The following PLD1 variants were observed in gnomAD, a reference collection of about 807,000 sequenced individuals.
PLD1 encodes phospholipase D1, also known as choline phosphatase 1.
Under a neutral mutation model 137.1 loss-of-function variants are expected in PLD1, and 112 were observed. The observed-to-expected ratio is 0.82, with a 90% CI of 0.70 to 0.96. The LOEUF (loss-of-function observed/expected upper bound fraction) is 0.96. PLD1 is among the 40% of genes least tolerant of loss of function. The pLI, the probability that PLD1 is intolerant of heterozygous loss-of-function variation, is 0.00. For missense variants in PLD1, 1,321 were observed against 1,342.0 expected (o/e 0.98, Z 0.24); for synonymous variants, 431 against 454.7 (o/e 0.95, Z 0.66).
In PLD1 at chr3:171,699,738, T is replaced by A; in HGVS notation, c.1227+7A>T. 6.3e-7 allele frequency: 1 copy of A among 1,599,060 alleles called. No individual in the cohort carries two copies. The highest frequency in any genetic ancestry group is 1.7e-5 in the Admixed American group (1 of 59,878). The stretch of plus-strand genomic sequence containing the variant: ...ATTATATCAGCATTTTCTGGGAAAG[T>A]ACATACTGCTTTTCGTTTAAGAATG... On this transcript the variant is annotated splice_region_variant and intron_variant, in intron 12 of 26. Coordinates refer to ENST00000351298, the MANE Select transcript of PLD1 (RefSeq NM_002662.5).
intron 23 of PLD1, among the ~76,000 whole-genome samples, chr3:171,632,251 C>A (rs1734730592): frequency 6.6e-6 from 1 of 152,124 alleles, no homozygotes; most frequent in Non-Finnish European, 1.5e-5. Flanking sequence ...ACATCAAGAT[C>A]ATGAAAGCTC....
chr3:171,619,646 G>A (rs1447366737), intron 24 of PLD1, among the ~76,000 whole-genome samples: 1 of 152,142 alleles, frequency 6.6e-6, no homozygotes, highest in Non-Finnish European at 1.5e-5. Context: ...TTCGACTTTT[G>A]TACAACTTCA....
chr3:171,620,778 T>TA (rs139838413), intron 23 of PLD1, among the ~76,000 whole-genome samples: 1,323 of 126,800 alleles, frequency 0.01, 28 homozygotes, highest in African/African-American at 0.041. Context: ...ATTATATATA[T>TA]TTTTTTTTTA....
In PLD1 at chr3:171,612,352, C is replaced by G; in HGVS notation, c.2809G>C (p.Val937Leu). The change falls in exon 25 of 27, where the codon GTT (valine) becomes CTT (leucine). Residue 937 changes from valine (V) to leucine (L), a missense_variant. Val to Leu is a conservative substitution (Grantham distance 32, BLOSUM62 1). Transcript: ENST00000351298. The surrounding 1 kb of genome is among the most constrained non-coding windows in gnomAD (Gnocchi z 4.1). ...TCTTTTCCATCCATTACTGAAGGAA[C>G]AGTCTCTGTATCTTGCACAATGACA... The part of the protein sequence containing the change: ...MAVIVQDTET[V>L]PSVMDGKEYQ... The G allele has an allele frequency of 6.2e-7, 1 of 1,614,064 alleles. No individual in the cohort carries two copies. Among genetic ancestry groups the G allele is most frequent in the East Asian group, 2.2e-5 (1 of 44,878 alleles).
intron 19 of PLD1, among the ~76,000 whole-genome samples, chr3:171,671,892 T>C (rs905437588): frequency 5.9e-5 from 9 of 152,070 alleles, no homozygotes; most frequent in African/African-American, 2.2e-4. Flanking sequence ...ATCATGCTTC[T>C]TGCCCAATCG....
At chr3:171,666,686 G>A (rs1005560588) in intron 19 of PLD1, among the ~76,000 whole-genome samples, 2 of 152,126 alleles carry the variant, frequency 1.3e-5, no homozygotes, top group African/African-American at 4.8e-5. Context: ...ATGTAACTGA[G>A]ATAACCCTCA....
At chr3:171,713,232 G>C (rs571049257) in intron 9 of PLD1, among the ~76,000 whole-genome samples, 1 of 152,234 alleles carries the variant, frequency 6.6e-6, no homozygotes, top group African/African-American at 2.4e-5. Context: ...GGCCGAGGCA[G>C]ACAGATCACT....
At chr3:171,760,191 C>T (rs998296068) in intron 1 of PLD1, among the ~76,000 whole-genome samples, 1 of 152,204 alleles carries the variant, frequency 6.6e-6, no homozygotes, top group Non-Finnish European at 1.5e-5. Context: ...GAGAATGACA[C>T]AGTATACAGG....
At chr3:171,689,037 C>CAAAAAG (rs1218223831) in intron 13 of PLD1, among the ~76,000 whole-genome samples, 161 bp from the exon 14 acceptor site, 1 of 149,260 alleles carries the variant, frequency 6.7e-6, no homozygotes, top group African/African-American at 2.5e-5. Context: ...CAGCATTTAG[C>CAAAAAG]AAAAAGAAAA....
intron 23 of PLD1, among the ~76,000 whole-genome samples, chr3:171,639,508 AAAT>A (rs1470485002): frequency 9.0e-6 from 1 of 111,028 alleles, no homozygotes; most frequent in South Asian, 2.5e-4. Context: ...AATACATAAT[AAAT>A]AATATATATT....
At chr3:171,697,285 C>A (rs540472186) in intron 12 of PLD1, among the ~76,000 whole-genome samples, 1 of 127,402 alleles carries the variant, frequency 7.8e-6, no homozygotes, top group Non-Finnish European at 1.6e-5. Flanking sequence ...TGCTCTGTTG[C>A]CCAGGCTGGA....
At chr3:171,690,762 GGAA>G (rs1715075858) in intron 13 of PLD1, among the ~76,000 whole-genome samples, 1 of 152,128 alleles carries the variant, frequency 6.6e-6, no homozygotes, top group Non-Finnish European at 1.5e-5. Flanking sequence ...AGATGGTCCT[GGAA>G]AATGCCCCAA....
intron 1 of PLD1, chr3:171,792,128 C>T (rs573509782): frequency 1.9e-5 from 3 of 160,452 alleles, no homozygotes; most frequent in South Asian, 1.8e-4. Context: ...CTTTACTACT[C>T]CCAATGCCAC....
intron 9 of PLD1, among the ~76,000 whole-genome samples, chr3:171,713,318 G>A (rs569804563): frequency 2.0e-5 from 3 of 152,172 alleles, no homozygotes; most frequent in African/African-American, 7.2e-5. Context: ...AACTTTAGTC[G>A]GGGGTGGTGG....
chr3:171,666,725 C>T (rs1712188256), intron 19 of PLD1, among the ~76,000 whole-genome samples: 1 of 152,182 alleles, frequency 6.6e-6, no homozygotes, highest in African/African-American at 2.4e-5. Flanking sequence ...AAAAATATAG[C>T]TTATCTTACC....
At chr3:171,669,389 C>T (rs1464138105) in intron 19 of PLD1, among the ~76,000 whole-genome samples, 1 of 152,106 alleles carries the variant, frequency 6.6e-6, no homozygotes, top group Non-Finnish European at 1.5e-5. Context: ...ATGTTAACTT[C>T]TTTGTTGCAA....
chr3:171,747,113 A>C (rs1720278348), intron 1 of PLD1, among the ~76,000 whole-genome samples: 1 of 152,196 alleles, frequency 6.6e-6, no homozygotes, highest in African/African-American at 2.4e-5. Flanking sequence ...GAGGCCAGCG[A>C]GACCACGAAC....
At chr3:171,786,150 C>T (rs1223145825) in intron 1 of PLD1, among the ~76,000 whole-genome samples, 10 of 152,150 alleles carry the variant, frequency 6.6e-5, no homozygotes. Flanking sequence ...AATGTAGGTT[C>T]GTGGCACATT....
At chr3:171,628,746 A>G (rs1210044415) in intron 23 of PLD1, among the ~76,000 whole-genome samples, 1 of 151,948 alleles carries the variant, frequency 6.6e-6, no homozygotes, top group Non-Finnish European at 1.5e-5. Flanking sequence ...TATAAACAGA[A>G]CCAAAGACAA....
Sources: gnomAD v4.1 joint callset for allele counts (sites outside exome capture counted in the v4.1 genomes callset) on GRCh38, gnomAD v4.1.1 for gene constraint, Gnocchi (gnomAD v3.1) non-coding constraint, MANE v1.5 for transcripts, NCBI Gene and HGNC (gene_info 2026-07-23, HGNC 2026-07-21) for gene names.